The following SORCS3 variants were observed in gnomAD, a reference collection of about 807,000 sequenced individuals.
SORCS3 encodes the protein VPS10 domain-containing receptor SorCS3.
In SORCS3, 57 loss-of-function variants were observed where a neutral mutation model predicts 146.3. That is an observed-to-expected ratio of 0.39 (90% confidence interval 0.31 to 0.49). The LOEUF (loss-of-function observed/expected upper bound fraction) is 0.49. Among genes scored for constraint, SORCS3 ranks in the 20% least tolerant of loss-of-function variants. SORCS3 has a pLI of 0.92. For missense variants in SORCS3, 1,341 were observed against 1,575.5 expected (o/e 0.85, Z 2.52); for synonymous variants, 653 against 618.5 (o/e 1.06, Z -0.83).
chr10:104,926,916 A>G (rs569594106), intron 3 of SORCS3, among the ~76,000 whole-genome samples: 75 of 152,334 alleles, frequency 4.9e-4, no homozygotes, highest in African/African-American at 1.7e-3. Flanking sequence ...TCTTCTCCAA[A>G]GTGCCCTTTA....
intron 2 of SORCS3, among the ~76,000 whole-genome samples, chr10:104,895,083 A>T (rs1306312682): frequency 2.0e-5 from 3 of 152,152 alleles, no homozygotes; most frequent in Admixed American, 2.0e-4. Flanking sequence ...GGCTGTGGAC[A>T]CTCAGGGGAT....
At position 105,260,713 on chromosome 10, in the gene SORCS3, G is replaced by A. The variant is rs181967625; in HGVS notation, c.3444-1618G>A. Among the ~76,000 whole-genome samples the A allele has an allele frequency of 1.0e-2, 1,519 of 152,316 alleles. 12 individuals are homozygous for A. The highest frequency in any genetic ancestry group is 0.014 in the Non-Finnish European group (961 of 68,024). On this transcript the variant is annotated intron_variant, in intron 25 of 26. Transcript: ENST00000369701. ...TCATTTGGAGTTGGAGCAGATAGGGGAATGTAGAAGCTTGAGAATACCACT... is the reference window on the plus strand; with the variant it reads ...TCATTTGGAGTTGGAGCAGATAGGGAAATGTAGAAGCTTGAGAATACCACT...
chr10:104,785,174 A>C (rs1175794435), intron 1 of SORCS3, among the ~76,000 whole-genome samples: 1 of 149,912 alleles, frequency 6.7e-6, no homozygotes, highest in African/African-American at 2.4e-5. Flanking sequence ...GAGAAATCGG[A>C]TGGTTGCCGT....
At chr10:105,162,244 A>C (rs1589663982) in intron 11 of SORCS3, among the ~76,000 whole-genome samples, 2 of 152,274 alleles carry the variant, frequency 1.3e-5, no homozygotes, top group East Asian at 3.9e-4. Context: ...AACTTCCAAA[A>C]AGGGCAATGG....
At chr10:104,847,933 C>T (rs1199867463) in intron 2 of SORCS3, among the ~76,000 whole-genome samples, 1 of 151,972 alleles carries the variant, frequency 6.6e-6, no homozygotes, top group African/African-American at 2.4e-5. Flanking sequence ...GCACTTCCTG[C>T]TGGAGACCTT....
At position 105,062,552 on chromosome 10, in the gene SORCS3, G is replaced by T. The variant is rs1273321329; in HGVS notation, c.1028+19424G>T. Among the ~76,000 whole-genome samples, 3 of 152,192 alleles carry T rather than the reference G, an allele frequency of 2.0e-5. No individual in the cohort carries two copies. In the East Asian group the frequency reaches 5.8e-4, roughly 29 times the overall value. The stretch of plus-strand genomic sequence containing the variant: ...GAGCAGGTGCCACGATAGGGACCCG[G>T]TGTAGTGGGAGGGTGTTGAGTATTT... On this transcript the variant is annotated intron_variant, in intron 5 of 26. Transcript: ENST00000369701.
chr10:105,200,229 G>A (rs1393133661), intron 15 of SORCS3, 113 bp downstream of exon 15: 23 of 765,634 alleles, frequency 3.0e-5, no homozygotes, highest in South Asian at 1.5e-4. Context: ...TGGGTCATCT[G>A]AGGATGTGGG....
intron 4 of SORCS3, among the ~76,000 whole-genome samples, chr10:104,984,239 A>G (rs1169849852): frequency 6.6e-6 from 1 of 152,218 alleles, no homozygotes; most frequent in Admixed American, 6.5e-5. Flanking sequence ...ACTAAACCAA[A>G]TACAAGAATT....
intron 5 of SORCS3, among the ~76,000 whole-genome samples, chr10:105,067,868 C>T (rs1235908135): frequency 1.3e-5 from 2 of 152,012 alleles, no homozygotes; most frequent in East Asian, 3.9e-4. Flanking sequence ...CCATCCTCTG[C>T]TGCATCTTTG....
intron 1 of SORCS3, among the ~76,000 whole-genome samples, chr10:104,840,750 T>C (rs1432649398): frequency 1.1e-4 from 2 of 17,468 alleles, no homozygotes; most frequent in African/African-American, 7.2e-4. Flanking sequence ...CTTCATTCTA[T>C]GTAGATTTTG....
At chr10:104,915,697 C>CT (rs1429724748) in intron 2 of SORCS3, 136 bp from the exon 3 acceptor site, 3 of 692,510 alleles carry the variant, frequency 4.3e-6, no homozygotes, top group East Asian at 5.3e-5. Context: ...ATTAATGGGG[C>CT]TTTTTATCTC....
At chr10:104,992,938 T>C (rs2055003411) in intron 4 of SORCS3, among the ~76,000 whole-genome samples, 1 of 152,092 alleles carries the variant, frequency 6.6e-6, no homozygotes, top group African/African-American at 2.4e-5. Context: ...GTTTAGGACA[T>C]TTAAAGACCT....
chr10:104,946,015 G>C (rs4918142), intron 3 of SORCS3, among the ~76,000 whole-genome samples: 32,791 of 151,930 alleles, frequency 0.22, 4,018 homozygotes, highest in African/African-American at 0.34. Flanking sequence ...GTGTTATTTT[G>C]GTTGAGTTCT....
intron 16 of SORCS3, among the ~76,000 whole-genome samples, chr10:105,207,272 T>TTTTTTATTATTATTATTA (rs148959945): frequency 2.7e-5 from 4 of 147,148 alleles, no homozygotes; most frequent in African/African-American, 5.0e-5. Flanking sequence ...CATGCAGAGG[T>TTTTTTATTATTATTATTA]TTATTATTAT....
intron 1 of SORCS3, among the ~76,000 whole-genome samples, chr10:104,773,197 G>A (rs538060972): frequency 6.6e-6 from 1 of 152,150 alleles, no homozygotes; most frequent in East Asian, 1.9e-4. Context: ...GCAGGGACAG[G>A]TGCACGAGTA....
Position 105,164,320 on chromosome 10 carries a change from C to A in SORCS3, c.1750C>A (p.Leu584Ile). 1 of 1,613,448 alleles carries A rather than the reference C, an allele frequency of 6.2e-7. No homozygotes were observed. Among genetic ancestry groups the A allele is most frequent in the Non-Finnish European group, 8.5e-7 (1 of 1,179,508 alleles). The change falls in exon 12 of 27, where the codon CTC (leucine) becomes ATC (isoleucine). Residue 584 changes from leucine to isoleucine, a missense_variant. By Grantham distance (5) the Leu-to-Ile change is conservative. Coordinates refer to ENST00000369701, the MANE Select transcript of SORCS3 (RefSeq NM_014978.3). ...TGTTTCAGGCAACATTGGCCCGGAG[C>A]TCTCATATACTGATATTGGTGTGTT... The part of the protein sequence containing the change: ...VVATGNIGPE[L>I]SYTDIGVFIS...
chr10:105,125,499 C>G (rs2055966922), intron 7 of SORCS3, among the ~76,000 whole-genome samples: 1 of 152,096 alleles, frequency 6.6e-6, no homozygotes, highest in African/African-American at 2.4e-5. Context: ...GGCACCAGAG[C>G]CTTCTTTCTC....
intron 7 of SORCS3, among the ~76,000 whole-genome samples, chr10:105,129,545 T>C (rs977006501): frequency 1.5e-4 from 23 of 151,940 alleles, no homozygotes; most frequent in Admixed American, 1.2e-3. Flanking sequence ...CTTATTACAT[T>C]ATTTGGGAGT....
intron 5 of SORCS3, among the ~76,000 whole-genome samples, chr10:105,062,004 C>T (rs1457383517): frequency 2.6e-5 from 4 of 152,126 alleles, no homozygotes; most frequent in African/African-American, 9.7e-5. Flanking sequence ...AGGATAAATT[C>T]CTGGGACAGA....
Sources: allele counts gnomAD v4.1 joint callset (sites outside exome capture counted in the v4.1 genomes callset), GRCh38; gene constraint gnomAD v4.1.1; transcripts MANE v1.5; gene names NCBI Gene and HGNC (gene_info 2026-07-23, HGNC 2026-07-21).